Variants in SORCS2 observed in about 807,000 individuals in gnomAD.
The protein encoded by SORCS2 is VPS10 domain-containing receptor SorCS2.
A neutral mutation model predicts 141.6 loss-of-function variants in SORCS2; 100 were observed. The observed-to-expected ratio is 0.71, with a 90% CI of 0.60 to 0.83. The LOEUF (loss-of-function observed/expected upper bound fraction) is 0.83. SORCS2 is among the 40% of genes least tolerant of loss of function. The pLI, the probability that SORCS2 is intolerant of heterozygous loss-of-function variation, is 0.00. For synonymous variants in SORCS2, 789 were observed against 676.9 expected, an observed-to-expected ratio of 1.17 and a Z score of -2.57; for missense variants, 1,646 against 1,560.2, an observed-to-expected ratio of 1.05 and a Z score of -0.93.
chr4:7,556,398 C>T (rs535238612), intron 3 of SORCS2, among the ~76,000 whole-genome samples: 3 of 152,140 alleles, frequency 2.0e-5, no homozygotes, highest in South Asian at 2.1e-4. Flanking sequence ...GAGACACTCG[C>T]GCAGCCTCTG....
intron 5 of SORCS2, 86 bp downstream of exon 5, chr4:7,654,293 C>T: frequency 7.3e-7 from 1 of 1,368,774 alleles, no homozygotes; most frequent in Non-Finnish European, 1.0e-6. Flanking sequence ...CCCATCCCTG[C>T]AGCTCCCTTT....
At chr4:7,222,803 G>A (rs77253526) in intron 1 of SORCS2, among the ~76,000 whole-genome samples, 8,360 of 152,090 alleles carry the variant, frequency 0.055, 484 homozygotes, top group East Asian at 0.26. Flanking sequence ...GCTGGGCACG[G>A]CAGCTGTGGT....
In SORCS2 at chr4:7,725,119, T is replaced by G. The variant is rs371384085; in HGVS notation, c.2612-35T>G. On this transcript the variant is annotated intron_variant, in intron 19 of 26. Transcript: ENST00000507866. ...GCCTCTGAAATGCCCCATGCCCTGATATCATCTAACCCTGGCCTTTTTGGG... is the reference window on the plus strand; with the variant it reads ...GCCTCTGAAATGCCCCATGCCCTGAGATCATCTAACCCTGGCCTTTTTGGG... 1.9e-6 allele frequency: 3 copies of G among 1,602,256 alleles called. No homozygotes were observed. The East Asian group carries it at 6.7e-5, about 36-fold the overall frequency.
At position 7,741,420 on chromosome 4, in the gene SORCS2, G is replaced by T; in HGVS notation, c.*1156G>T. On this transcript the variant is annotated 3_prime_UTR_variant, in exon 27 of 27. Transcript: ENST00000507866. ...CTTACGGTTTCCTAGAATCAGGGATGTTAGTGTAAGTCTATAGGAATATAG... is the reference window on the plus strand; with the variant it reads ...CTTACGGTTTCCTAGAATCAGGGATTTTAGTGTAAGTCTATAGGAATATAG... 5.7e-6 allele frequency: 1 copy of T among 175,030 alleles called. No homozygotes were observed. Among genetic ancestry groups the T allele is most frequent in the Non-Finnish European group, 1.1e-5 (1 of 92,626 alleles). 10.8% of individuals were successfully genotyped at this position (175,030 alleles called of 1,614,324 possible).
At chr4:7,600,804 G>A (rs987281226) in intron 3 of SORCS2, among the ~76,000 whole-genome samples, 8 of 151,820 alleles carry the variant, frequency 5.3e-5, no homozygotes, top group East Asian at 1.9e-4. Flanking sequence ...AATCTCTTTC[G>A]TATGAGACTT....
chr4:7,618,850 A>G (rs1718940229), intron 3 of SORCS2, among the ~76,000 whole-genome samples: 1 of 151,614 alleles, frequency 6.6e-6, no homozygotes, highest in Non-Finnish European at 1.5e-5. Context: ...ACACACACAC[A>G]CACACACAAA....
intron 8 of SORCS2, among the ~76,000 whole-genome samples, chr4:7,672,816 A>G (rs1169171235): frequency 6.6e-6 from 1 of 152,232 alleles, no homozygotes; most frequent in Non-Finnish European, 1.5e-5. Flanking sequence ...ACATGTGGTC[A>G]TGCTTGTAAA....
At position 7,600,640 on chromosome 4, in the gene SORCS2, G is replaced by A. The variant is rs181591623; in HGVS notation, c.649-37688G>A. Among the ~76,000 whole-genome samples the A allele has an allele frequency of 2.9e-3, 368 of 125,450 alleles. 1 individual carries two copies. Among genetic ancestry groups the A allele is most frequent in the Admixed American group, 8.1e-3 (92 of 11,360 alleles). The allele number at this position is 125,450 out of a possible 152,430, so 82.3% of individuals were successfully genotyped here. On this transcript the variant is annotated intron_variant, in intron 3 of 26. Coordinates refer to ENST00000507866, the MANE Select transcript of SORCS2 (RefSeq NM_020777.3). ...TCCTAGCCTGGCGTTTTTAGATTAC[G>A]ATATACATATATATATACACACACA...
In SORCS2 at chr4:7,531,550, C is replaced by A. The variant is rs1401212702; in HGVS notation, c.569C>A (p.Ser190Tyr). 6.2e-7 allele frequency: 1 copy of A among 1,613,880 alleles called. No individual in the cohort carries two copies. Among genetic ancestry groups the A allele is most frequent in the Non-Finnish European group, 8.5e-7 (1 of 1,179,848 alleles). Residue 190 changes from serine (S) to tyrosine (Y), a missense_variant, in exon 3 of 27, where the codon TCC becomes TAC. Ser to Tyr is a moderately radical substitution (Grantham distance 144). Transcript: ENST00000507866. Reference protein sequence around the residue: ...SLWRSSDFGTSYTKLTLQPGV... With the variant: ...SLWRSSDFGTYYTKLTLQPGV... ...CCCAGGTCATCAGATTTCGGGACGT[C>A]CTACACCAAGCTCACCCTCCAGCCT...
At chr4:7,619,273 G>A (rs73216642) in intron 3 of SORCS2, among the ~76,000 whole-genome samples, 2,789 of 152,286 alleles carry the variant, frequency 0.018, 44 homozygotes, top group African/African-American at 0.036. Context: ...GATTCATCTG[G>A]CCAGTCTGGG....
chr4:7,719,505 C>T (rs1308164419), intron 18 of SORCS2, among the ~76,000 whole-genome samples: 1 of 152,198 alleles, frequency 6.6e-6, no homozygotes, highest in African/African-American at 2.4e-5. Context: ...TCTACGTGGA[C>T]AGAGACTGAG....
chr4:7,503,999 A>G (rs894366579), intron 2 of SORCS2, among the ~76,000 whole-genome samples: 6 of 151,982 alleles, frequency 3.9e-5, no homozygotes, highest in African/African-American at 1.5e-4. Context: ...CTGCTACTCC[A>G]CCCGGAGAGC....
intron 1 of SORCS2, among the ~76,000 whole-genome samples, chr4:7,234,969 C>T (rs865826912): frequency 4.6e-5 from 7 of 152,166 alleles, no homozygotes; most frequent in Non-Finnish European, 8.8e-5. Context: ...TTGTGGAGTG[C>T]GTGGCAGGGG....
rs962060474 is a variant in SORCS2 at position 7,648,736 on chromosome 4, A to G, written c.814-5398A>G. 4.6e-5 allele frequency among the ~76,000 whole-genome samples: 7 copies of G among 152,014 alleles called. No individual in the cohort carries two copies. Among genetic ancestry groups the G allele is most frequent in the African/African-American group, 1.7e-4 (7 of 41,362 alleles). On this transcript the variant is annotated intron_variant, in intron 4 of 26. Transcript: ENST00000507866. This position sits in a 1 kb window ranked among gnomAD's most constrained non-coding sequence, Gnocchi z 4.2. ...TGGACCTGCCATGGTGGAGGAAGAG[A>G]GGCTAGAAACCAGGGACAGGCACCA...
chr4:7,714,134 C>T (rs992524962), intron 15 of SORCS2, 106 bp from the exon 16 acceptor site: 9 of 1,458,192 alleles, frequency 6.2e-6, no homozygotes, highest in Admixed American at 4.7e-5. Flanking sequence ...CATCTGTAAC[C>T]TGAGCCATCA....
At chr4:7,421,348 T>C (rs1447205823) in intron 2 of SORCS2, among the ~76,000 whole-genome samples, 1 of 152,220 alleles carries the variant, frequency 6.6e-6, no homozygotes, top group South Asian at 2.1e-4. Context: ...GTGGACCTGA[T>C]AGATCTGAGT....
intron 2 of SORCS2, among the ~76,000 whole-genome samples, chr4:7,446,365 A>G (rs946964203): frequency 5.9e-5 from 9 of 152,214 alleles, no homozygotes; most frequent in African/African-American, 2.2e-4. Context: ...CGTCCGCAGC[A>G]TCAGGGGCTA....
At chr4:7,709,674 C>T (rs932175733) in intron 14 of SORCS2, among the ~76,000 whole-genome samples, 2 of 152,170 alleles carry the variant, frequency 1.3e-5, no homozygotes, top group African/African-American at 4.8e-5. Context: ...TTCCCACAGC[C>T]ACAGGCTCAG....
At position 7,540,740 on chromosome 4, in the gene SORCS2, T is replaced by C. The variant is rs139476538; in HGVS notation, c.648+9111T>C. Among the ~76,000 whole-genome samples, 421 of 152,302 alleles carry C rather than the reference T, an allele frequency of 2.8e-3. 2 individuals carry two copies. Among genetic ancestry groups the C allele is most frequent in the Middle Eastern group, 0.024 (7 of 294 alleles). Reference sequence around the variant, plus strand: ...TGGGGAGAACAGGCTTTACGGAGACTCAACCCCAGGTTCCCTATTTCCTGG... The same window carrying C: ...TGGGGAGAACAGGCTTTACGGAGACCCAACCCCAGGTTCCCTATTTCCTGG... On this transcript the variant is annotated intron_variant, in intron 3 of 26. Coordinates refer to ENST00000507866, the MANE Select transcript of SORCS2 (RefSeq NM_020777.3).
Sources: allele counts gnomAD v4.1 joint callset (sites outside exome capture counted in the v4.1 genomes callset), GRCh38; gene constraint gnomAD v4.1.1; non-coding constraint Gnocchi (gnomAD v3.1); transcripts MANE v1.5; gene names NCBI Gene and HGNC (gene_info 2026-07-23, HGNC 2026-07-21).